The following OVCH2 variants were observed in gnomAD, a reference collection of about 807,000 sequenced individuals.
The protein encoded by OVCH2 is ovochymase-2.
In OVCH2, 88 loss-of-function variants were observed where a neutral mutation model predicts 73.7. The ratio of observed to expected loss-of-function variants is 1.19; its 90% CI spans 1.01 to 1.43. The LOEUF is 1.43. OVCH2 is among the 40% of genes most tolerant of loss of function. OVCH2 has a pLI of 0.00. For synonymous variants in OVCH2, 265 were observed against 234.5 expected, an observed-to-expected ratio of 1.13 and a Z score of -1.19; for missense variants, 706 against 674.5, an observed-to-expected ratio of 1.05 and a Z score of -0.52.
At chr11:7,691,455 G>A (rs1856220128) in intron 13 of OVCH2, 55 bp from the exon 14 acceptor site, 33 of 1,544,162 alleles carry the variant, frequency 2.1e-5, no homozygotes, top group Non-Finnish European at 2.8e-5. Context: ...AGATAGCCAT[G>A]GCATTGGAGA....
intron 7 of OVCH2, chr11:7,699,563 A>G (rs1376498433): frequency 6.6e-6 from 1 of 152,110 alleles, no homozygotes; most frequent in Non-Finnish European, 1.5e-5. Flanking sequence ...TTATTATTGT[A>G]CTGTTATTTT....
intron 13 of OVCH2, 29 bp downstream of exon 13, chr11:7,691,873 G>A: frequency 2.0e-6 from 3 of 1,522,322 alleles, no homozygotes; most frequent in Non-Finnish European, 2.7e-6. Context: ...ACACAAACCA[G>A]AGCGAGCTGA....
At chr11:7,685,990 A>G (rs1308788938), downstream of OVCH2, among the ~76,000 whole-genome samples, 4 of 152,206 alleles carry the variant, frequency 2.6e-5, no homozygotes, top group Non-Finnish European at 5.9e-5. Flanking sequence ...TCTGGCTTGA[A>G]CTGAATTTGA....
chr11:7,684,277 T>C, the OVCH2 span, among the ~76,000 whole-genome samples: 1 of 152,012 alleles, frequency 6.6e-6, no homozygotes, highest in Non-Finnish European at 1.5e-5. Context: ...AGCAATAGCC[T>C]TTCTCACACA....
At chr11:7,692,420 C>G (rs1856239478) in intron 12 of OVCH2, among the ~76,000 whole-genome samples, 1 of 152,168 alleles carries the variant, frequency 6.6e-6, no homozygotes, top group African/African-American at 2.4e-5. Flanking sequence ...TGAATCAAGA[C>G]TGAAATTTGT....
chr11:7,695,491 G>T, intron 11 of OVCH2, 79 bp downstream of exon 11: 1 of 1,365,640 alleles, frequency 7.3e-7, no homozygotes, highest in Non-Finnish European at 1.0e-6. Flanking sequence ...AGGGATCCCT[G>T]CCACTCACCT....
At chr11:7,685,745 T>G (rs12270208), downstream of OVCH2, among the ~76,000 whole-genome samples, 41,747 of 151,938 alleles carry the variant, frequency 0.27, 7,589 homozygotes, top group African/African-American at 0.52. Context: ...GAAGCTGGGA[T>G]GCCCTTGAAG....
intron 4 of OVCH2, 66 bp downstream of exon 4, chr11:7,702,091 G>A (rs777059282): frequency 1.7e-5 from 24 of 1,389,906 alleles, no homozygotes; most frequent in Non-Finnish European, 2.3e-5. Context: ...TGCAGGAAAT[G>A]TGCTATGGCA....
chr11:7,694,463 CCT>C (rs1856283145), intron 12 of OVCH2, among the ~76,000 whole-genome samples: 1 of 152,020 alleles, frequency 6.6e-6, no homozygotes, highest in Non-Finnish European at 1.5e-5. Flanking sequence ...CTTGCTCTGT[CCT>C]CTCTGCTTGA....
rs1241636351 is a variant in OVCH2 at position 7,689,466 on chromosome 11, C to T, written c.*168G>A. On this transcript the variant is annotated 3_prime_UTR_variant, in exon 16 of 16. Coordinates refer to ENST00000533663, the MANE Select transcript of OVCH2 (RefSeq NM_198185.7). ...TTAGAACAACAGAAATTTATTGTCT[C>T]ATAGTTCTGGAGGCTAGAAGTCCAA... 3 of 328,956 alleles carry T rather than the reference C, an allele frequency of 9.1e-6. No individual in the cohort carries two copies. The East Asian group carries it at 2.3e-4, about 26-fold the overall frequency. The allele number at this position is 328,956 out of a possible 1,614,324, so 20.4% of individuals were successfully genotyped here. A position where few individuals can be genotyped will look rare whatever the true frequency, so the allele number is the denominator to read the frequency against.
rs1171291257 is a variant in OVCH2 at position 7,695,173 on chromosome 11, T to C, written c.1298A>G (p.Tyr433Cys). 8 of 1,559,620 alleles carry C rather than the reference T, an allele frequency of 5.1e-6. No homozygotes were observed. Among genetic ancestry groups the C allele is most frequent in the Non-Finnish European group, 6.9e-6 (8 of 1,152,780 alleles). Residue 433 changes from tyrosine to cysteine, a missense_variant, in exon 12 of 16, where the codon TAC becomes TGC. Coordinates refer to ENST00000533663, the MANE Select transcript of OVCH2 (RefSeq NM_198185.7). ...ACCTTCTTCAAAAAGGACAGTTAAG[T>C]AACTGCAACCTGAATCTGAAACGTA... ...PNYIPDSGCSYLTVLFEEGLI... is the reference protein window; with the variant it reads ...PNYIPDSGCSCLTVLFEEGLI...
chr11:7,693,266 T>C lies in OVCH2; in HGVS notation c.1414-1271A>G, dbSNP rs575918663. Among the ~76,000 whole-genome samples, 9 of 152,304 alleles carry C rather than the reference T, an allele frequency of 5.9e-5. No individual in the cohort carries two copies. The East Asian group carries it at 1.7e-3, about 29-fold the overall frequency. On this transcript the variant is annotated intron_variant, in intron 12 of 15. Transcript: ENST00000533663. ...AACAAAACTGGAGGCAAATAATTAC[T>C]AATGGTAAAGGTAGGCGTGGGGAGG...
chr11:7,682,045 T>A, the OVCH2 span, among the ~76,000 whole-genome samples: 1 of 152,038 alleles, frequency 6.6e-6, no homozygotes, highest in Non-Finnish European at 1.5e-5. Flanking sequence ...GCAAAACAAG[T>A]GAAAATAGAG....
At chr11:7,703,624 AGG>A (rs1856482591) in intron 3 of OVCH2, 72 bp downstream of exon 3, 1 of 1,182,174 alleles carries the variant, frequency 8.5e-7, no homozygotes, top group Non-Finnish European at 1.2e-6. Context: ...ATGTTTTAAT[AGG>A]GTTATTGCTG....
At chr11:7,696,659 C>T (rs771064440) in intron 9 of OVCH2, 50 bp downstream of exon 9, 16 of 1,613,642 alleles carry the variant, frequency 9.9e-6, no homozygotes, top group Middle Eastern at 1.6e-4. Flanking sequence ...ATTGGTGGGC[C>T]CAGACCGGAG....
rs766878465 is a variant in OVCH2 at position 7,698,769 on chromosome 11, A to G, written c.906T>C (p.Asn302=). 6.2e-7 allele frequency: 1 copy of G among 1,612,818 alleles called. No individual in the cohort carries two copies. The highest frequency in any genetic ancestry group is 1.7e-5 in the Admixed American group (1 of 59,906). ...PWIHEHIQTG[N]RRKSSRAWCS... The stretch of plus-strand genomic sequence containing the variant: ...ACCCACCTCTGGAGCTCTTTCTCCG[A>G]TTACCTGGGAAAGGAAAAGAAGGAT... Residue 302 remains asparagine (N), a synonymous_variant, in exon 8 of 16, where the codon AAT becomes AAC. Transcript: ENST00000533663.
intron 9 of OVCH2, 44 bp downstream of exon 9, chr11:7,696,665 C>A: frequency 6.2e-7 from 1 of 1,613,744 alleles, no homozygotes; most frequent in South Asian, 1.1e-5. Flanking sequence ...GGGCCCAGAC[C>A]GGAGGTGGGA....
the OVCH2 span, among the ~76,000 whole-genome samples, chr11:7,680,983 C>T: frequency 4.6e-5 from 7 of 152,192 alleles, no homozygotes; most frequent in African/African-American, 1.7e-4. Context: ...CAATGTGCCC[C>T]CTGCTACCCA....
chr11:7,705,651 T>C lies in OVCH2; in HGVS notation c.88+656A>G, dbSNP rs531886452. ...GCTGGATAATGGCAGAGCATGAATGTAACAGTAAGTGTTTTGATCCTGAAC... is the reference window on the plus strand; with the variant it reads ...GCTGGATAATGGCAGAGCATGAATGCAACAGTAAGTGTTTTGATCCTGAAC... On this transcript the variant is annotated intron_variant, in intron 1 of 15. Coordinates refer to ENST00000533663, the MANE Select transcript of OVCH2 (RefSeq NM_198185.7). The C allele has an allele frequency of 3.9e-5, 6 of 152,388 alleles. No homozygotes were observed. The South Asian group carries it at 1.2e-3, about 32-fold the overall frequency. The allele number at this position is 152,388 out of a possible 1,614,324, so 9.4% of individuals were successfully genotyped here. A position where few individuals can be genotyped will look rare whatever the true frequency, so the allele number is the denominator to read the frequency against.
Sources: allele counts gnomAD v4.1 joint callset (sites outside exome capture counted in the v4.1 genomes callset), GRCh38; gene constraint gnomAD v4.1.1; transcripts MANE v1.5; gene names NCBI Gene and HGNC (gene_info 2026-07-23, HGNC 2026-07-21).